FDXR: variants seen among roughly 807,000 people sequenced by gnomAD.
FDXR encodes the protein NADPH:adrenodoxin oxidoreductase, mitochondrial.
A neutral mutation model predicts 58.3 loss-of-function variants in FDXR; 38 were observed. The ratio of observed to expected loss-of-function variants is 0.65; its 90% CI spans 0.50 to 0.85. The LOEUF (loss-of-function observed/expected upper bound fraction) is 0.85. FDXR is among the 40% of genes least tolerant of loss of function. FDXR has a pLI of 0.00. For synonymous variants in FDXR, 275 were observed against 273.8 expected, an observed-to-expected ratio of 1.00 and a Z score of -0.04; for missense variants, 624 against 671.0, an observed-to-expected ratio of 0.93 and a Z score of 0.77.
At chr17:74,872,788 A>G (rs1361522076) in intron 1 of FDXR, 78 bp downstream of exon 1, 1 of 1,537,604 alleles carries the variant, frequency 6.5e-7, no homozygotes, top group Non-Finnish European at 8.7e-7. Flanking sequence ...GCCCTGCCCC[A>G]GCTCTGCTCC....
At position 74,871,653 on chromosome 17, in the gene FDXR, C is replaced by T. The variant is rs114635569; in HGVS notation, c.177+383G>A. ...GCAAGGCAGGTAAAGTTACAGAAAG[C>T]GGAGGAGGTGGGTAGCCTCGAGATG... On this transcript the variant is annotated intron_variant, in intron 2 of 11. Coordinates refer to ENST00000293195, the MANE Select transcript of FDXR (RefSeq NM_024417.5). 4.7e-3 allele frequency among the ~76,000 whole-genome samples: 720 copies of T among 152,142 alleles called. 5 individuals are homozygous for T. The highest frequency in any genetic ancestry group is 0.016 in the African/African-American group (685 of 41,522).
At chr17:74,867,593 G>A (rs1205563291) in intron 2 of FDXR, among the ~76,000 whole-genome samples, 2 of 152,100 alleles carry the variant, frequency 1.3e-5, no homozygotes, top group Non-Finnish European at 2.9e-5. Context: ...GGAGCAGCAG[G>A]ACAGGGAGGG....
At chr17:74,864,674 C>T (rs766233753) in intron 7 of FDXR, 110 bp from the exon 8 acceptor site, 5 of 1,421,108 alleles carry the variant, frequency 3.5e-6, no homozygotes, top group Non-Finnish European at 4.9e-6. Flanking sequence ...CCGCCTCCTC[C>T]CCAAAGGCAC....
intron 9 of FDXR, 38 bp from the exon 10 acceptor site, chr17:74,864,105 A>C (rs377052914): frequency 6.2e-7 from 1 of 1,613,352 alleles, no homozygotes; most frequent in Non-Finnish European, 8.5e-7. Context: ...GGCGGGTGGC[A>C]GAGGCCTGGG....
chr17:74,870,967 T>G (rs2038358478), intron 2 of FDXR, among the ~76,000 whole-genome samples: 1 of 151,908 alleles, frequency 6.6e-6, no homozygotes, highest in South Asian at 2.1e-4. Context: ...CACACGTGGC[T>G]GATTTTTCTA....
In FDXR at chr17:74,866,480, G is replaced by A. The variant is rs369049042; in HGVS notation, c.359C>T (p.Pro120Leu). ...AGCGTGGTAGGCCTCCTGCAGCTCC[G>A]GCACCGTCACGTCCCTGCCCACCTC... The part of the protein sequence containing the change: ...NVEVGRDVTV[P>L]ELQEAYHAVV... The change falls in exon 4 of 12, where the codon CCG becomes CTG. Residue 120 changes from proline to leucine, a missense_variant. Transcript: ENST00000293195. 11 of 1,613,462 alleles carry A rather than the reference G, an allele frequency of 6.8e-6. No homozygotes were observed. The African/African-American group carries it at 8.0e-5, about 12-fold the overall frequency.
At chr17:74,871,856 C>T (rs181673230) in intron 2 of FDXR, among the ~76,000 whole-genome samples, 180 bp downstream of exon 2, 144 of 152,142 alleles carry the variant, frequency 9.5e-4, no homozygotes, top group South Asian at 5.2e-3. Context: ...ACACTGAGGA[C>T]GGGAGGGGAG....
chr17:74,872,708 TC>T, intron 1 of FDXR, 157 bp downstream of exon 1: 2 of 1,471,664 alleles, frequency 1.4e-6, no homozygotes, highest in Non-Finnish European at 1.8e-6. Context: ...CGCACAGATC[TC>T]CGCCCACCCC....
intron 2 of FDXR, chr17:74,870,207 G>A (rs561801616): frequency 7.3e-6 from 2 of 275,826 alleles, no homozygotes; most frequent in Admixed American, 3.7e-5. Flanking sequence ...TCTGCCAGCT[G>A]AATACAGTCG....
intron 6 of FDXR, 83 bp from the exon 7 acceptor site, chr17:74,865,014 G>A: frequency 6.3e-7 from 1 of 1,594,910 alleles, no homozygotes; most frequent in Non-Finnish European, 8.6e-7. Flanking sequence ...CCCACCGTGG[G>A]CCTGGAGAAG....
intron 2 of FDXR, 72 bp from the exon 3 acceptor site, chr17:74,866,948 C>G (rs2038210998): frequency 1.3e-6 from 2 of 1,569,444 alleles, no homozygotes; most frequent in Non-Finnish European, 1.7e-6. Flanking sequence ...TCCTCCCCTT[C>G]CCCAGACAGA....
chr17:74,871,587 G>A (rs2038376257), intron 2 of FDXR, among the ~76,000 whole-genome samples: 1 of 152,198 alleles, frequency 6.6e-6, no homozygotes, highest in Non-Finnish European at 1.5e-5. Flanking sequence ...TGAAAGAACA[G>A]AATGGCACGG....
At position 74,865,748 on chromosome 17, in the gene FDXR, T is replaced by C; in HGVS notation, c.580A>G (p.Ile194Val). 6.2e-7 allele frequency: 1 copy of C among 1,612,998 alleles called. No homozygotes were observed. The highest frequency in any genetic ancestry group is 8.5e-7 in the Non-Finnish European group (1 of 1,179,854). Residue 194 changes from isoleucine (I) to valine (V), a missense_variant, in exon 6 of 12, where the codon ATC becomes GTC. Transcript: ENST00000293195. ...QGNVALDVARILLTPPEHLER... is the reference protein window; with the variant it reads ...QGNVALDVARVLLTPPEHLER... ...AGGTGCTCAGGTGGGGTCAGTAGGATGCGGGCCACGTCCAGAGCCACGTTC... is the reference window on the plus strand; with the variant it reads ...AGGTGCTCAGGTGGGGTCAGTAGGACGCGGGCCACGTCCAGAGCCACGTTC...
At position 74,864,503 on chromosome 17, in the gene FDXR, A is replaced by T; in HGVS notation, c.779T>A (p.Leu260Ter). Residue 260 changes from leucine (L) to a stop codon, truncating the protein, a stop_gained, in exon 8 of 12, where the codon TTG becomes TAG. Transcript: ENST00000293195. LOFTEE classifies it high-confidence loss of function. Reference sequence around the variant, plus strand: ...ACCCTTGATCTTGTCCTGGAGACCCAAGAAATCCACAGGATCCAAAATGGG... The same window carrying T: ...ACCCTTGATCTTGTCCTGGAGACCCTAGAAATCCACAGGATCCAAAATGGG... ...ARPILDPVDF[L>*]GLQDKIKEVP... The T allele has an allele frequency of 6.2e-7, 1 of 1,614,116 alleles. No individual in the cohort carries two copies. Among genetic ancestry groups the T allele is most frequent in the African/African-American group, 1.3e-5 (1 of 75,052 alleles).
At chr17:74,871,202 C>T (rs1032391971) in intron 2 of FDXR, among the ~76,000 whole-genome samples, 2 of 152,222 alleles carry the variant, frequency 1.3e-5, no homozygotes, top group Non-Finnish European at 2.9e-5. Flanking sequence ...GAAGCATGCA[C>T]GGGTCACTTT....
intron 1 of FDXR, 73 bp downstream of exon 1, chr17:74,872,793 T>G (rs984591131): frequency 6.5e-7 from 1 of 1,539,278 alleles, no homozygotes; most frequent in Middle Eastern, 1.7e-4. Flanking sequence ...GCCCCAGCTC[T>G]GCTCCGACCC....
At position 74,862,942 on chromosome 17, in the gene FDXR, G is replaced by A. The variant is rs116687448; in HGVS notation, c.1351C>T (p.Arg451Trp). 1,395 of 1,611,674 alleles carry A rather than the reference G, an allele frequency of 8.7e-4. 8 individuals carry two copies. The African/African-American group carries it at 0.016, about 18-fold the overall frequency. ...IQALLSSRGV[R>W]PVSFSDWEKL... is the part of the protein sequence containing the mutation. Reference sequence around the variant, plus strand: ...TCCCAGTCTGAGAAAGAGACTGGCCGGACCCCTGAAGCAGAGGGGAGATTG... The same window carrying A: ...TCCCAGTCTGAGAAAGAGACTGGCCAGACCCCTGAAGCAGAGGGGAGATTG... The change falls in exon 12 of 12, where the codon CGG (arginine) becomes TGG (tryptophan). Residue 451 changes from arginine (R) to tryptophan (W), a missense_variant. Arg to Trp is a moderately radical substitution (Grantham distance 101). Coordinates refer to ENST00000293195, the MANE Select transcript of FDXR (RefSeq NM_024417.5).
chr17:74,863,180 C>G lies in FDXR; in HGVS notation c.1241G>C (p.Ser414Thr). The change falls in exon 11 of 12, where the codon AGC (serine) becomes ACC (threonine). Residue 414 changes from serine (S) to threonine (T), a missense_variant. Physicochemically the swap from Ser to Thr is moderately conservative, Grantham distance 58 (BLOSUM62 1). Transcript: ENST00000293195. ...CAGCAGCATCTGGCCGGTGAGGAAG[C>G]TGTCAGTCATGGTTGTGGCTATGAC... ...TGVIATTMTD[S>T]FLTGQMLLQD... The G allele has an allele frequency of 6.2e-7, 1 of 1,613,940 alleles. No individual in the cohort carries two copies. The highest frequency in any genetic ancestry group is 2.2e-5 in the East Asian group (1 of 44,888).
intron 2 of FDXR, among the ~76,000 whole-genome samples, chr17:74,867,383 A>G (rs12602826): frequency 0.17 from 26,012 of 151,258 alleles, 2,856 homozygotes; most frequent in East Asian, 0.41. Context: ...GCCAGCTGAC[A>G]AGGCCGTGGC....
Sources: allele counts gnomAD v4.1 joint callset (sites outside exome capture counted in the v4.1 genomes callset), GRCh38; gene constraint gnomAD v4.1.1; transcripts MANE v1.5; gene names NCBI Gene and HGNC (gene_info 2026-07-23, HGNC 2026-07-21).